SRGAP2: variants seen among roughly 807,000 people sequenced by gnomAD.
SRGAP2 encodes SLIT-ROBO Rho GTPase activating protein 2, also known as SLIT-ROBO Rho GTPase-activating protein 2.
In SRGAP2, 15 loss-of-function variants were observed where a neutral mutation model predicts 57.2. The ratio of observed to expected loss-of-function variants is 0.26; its 90% confidence interval spans 0.18 to 0.40. SRGAP2 has a LOEUF of 0.40. Ranked by LOEUF, SRGAP2 falls within the 10% of genes least tolerant of loss-of-function variation. The pLI, the probability that SRGAP2 is intolerant of heterozygous loss-of-function variation, is 1.00. For synonymous variants in SRGAP2, 249 were observed against 248.0 expected, an observed-to-expected ratio of 1.00 and a Z score of -0.04; for missense variants, 520 against 669.6, an observed-to-expected ratio of 0.78 and a Z score of 2.47.
At chr1:206,446,372 C>A in intron 18 of SRGAP2, 73 bp downstream of exon 18, 1 of 757,166 alleles carries the variant, frequency 1.3e-6, no homozygotes, top group South Asian at 1.4e-5. Flanking sequence ...GATGGCCACA[C>A]GAAAACCAAA....
chr1:206,346,486 A>G (rs1675639304), intron 4 of SRGAP2, among the ~76,000 whole-genome samples: 1 of 152,250 alleles, frequency 6.6e-6, no homozygotes, highest in Admixed American at 6.5e-5. Flanking sequence ...AGCTTAAGCA[A>G]ATGAAGACCA....
intron 14 of SRGAP2, among the ~76,000 whole-genome samples, chr1:206,430,637 T>C (rs1269072735): frequency 2.0e-5 from 3 of 152,244 alleles, no homozygotes; most frequent in Non-Finnish European, 4.4e-5. Context: ...CCTTTCCCAA[T>C]GTTGCAGTGA....
rs537405456 is a variant in SRGAP2, at chr1:206,437,032, C to A, written c.1623C>A (p.Ala541=). 1 of 780,684 alleles carries A rather than the reference C, an allele frequency of 1.3e-6. No homozygotes were observed. Among genetic ancestry groups the A allele is most frequent in the East Asian group, 2.4e-5 (1 of 41,246 alleles). The allele number at this position is 780,684 out of a possible 1,614,324, so 48.4% of individuals were successfully genotyped here. A position where few individuals can be genotyped will look rare whatever the true frequency, so the allele number is the denominator to read the frequency against. The change falls in exon 15 of 23, where the codon GCC becomes GCA. Residue 541 remains alanine (A), a synonymous_variant. Transcript: ENST00000573034. ...SQVEVNDIKN[A]FERGEDPLAG... is the part of the protein sequence containing the mutation. Reference sequence around the variant, plus strand: ...TGGAAGTGAATGACATCAAAAATGCCTTTGAGAGAGGTAAGGAAACAGTCT... The same window carrying A: ...TGGAAGTGAATGACATCAAAAATGCATTTGAGAGAGGTAAGGAAACAGTCT...
intron 4 of SRGAP2, among the ~76,000 whole-genome samples, chr1:206,353,343 G>C (rs1265149908): frequency 6.6e-6 from 1 of 151,970 alleles, no homozygotes; most frequent in Non-Finnish European, 1.5e-5. Context: ...TAGTTTAGAT[G>C]ATTTCTAAAG....
chr1:206,214,885 C>T (rs1341066499), intron 2 of SRGAP2: 1 of 152,142 alleles, frequency 6.6e-6, no homozygotes, highest in African/African-American at 2.4e-5. Flanking sequence ...TTGCTCTGAC[C>T]AGAAATAACC....
chr1:206,258,448 CAA>C (rs1224033209), intron 2 of SRGAP2, among the ~76,000 whole-genome samples: 1 of 147,450 alleles, frequency 6.8e-6, no homozygotes, highest in Non-Finnish European at 1.5e-5. Context: ...TGGTAGGAGA[CAA>C]GAGTATATCT....
intron 2 of SRGAP2, among the ~76,000 whole-genome samples, chr1:206,262,536 T>A (rs1553313749): frequency 6.6e-6 from 1 of 151,720 alleles, no homozygotes; most frequent in Non-Finnish European, 1.5e-5. Flanking sequence ...AGGAAGGTAT[T>A]AGTTGCCATG....
rs547074621 is a variant in SRGAP2, at chr1:206,386,146, A to G, written c.486+2070A>G. ...GAGTAGAAGGTGCTACTGACATCTA[A>G]TGATCTAGAGGCCAGGGGTGCTGCT... On this transcript the variant is annotated intron_variant, in intron 5 of 22. Transcript: ENST00000573034. Among the ~76,000 whole-genome samples the G allele has an allele frequency of 1.4e-3, 206 of 152,310 alleles. 1 individual carries two copies. Among genetic ancestry groups the G allele is most frequent in the African/African-American group, 4.8e-3 (199 of 41,576 alleles).
chr1:206,437,087 C>T (rs782541160), intron 15 of SRGAP2, 45 bp downstream of exon 15: 2 of 779,422 alleles, frequency 2.6e-6, no homozygotes, highest in South Asian at 2.7e-5. Flanking sequence ...TTGCCAGCCC[C>T]CTGGGGTATT....
At chr1:206,452,910 T>TGG (rs1341010326) in intron 19 of SRGAP2, among the ~76,000 whole-genome samples, 6 of 130,804 alleles carry the variant, frequency 4.6e-5, no homozygotes, top group African/African-American at 1.7e-4. Flanking sequence ...AAAAAAAAAA[T>TGG]GGGATGCTTG....
chr1:206,253,684 T>G (rs1386022670), intron 2 of SRGAP2, among the ~76,000 whole-genome samples: 2 of 147,752 alleles, frequency 1.4e-5, no homozygotes, highest in Non-Finnish European at 3.0e-5. Context: ...CACGCCATTC[T>G]CCATTCTCCA....
rs1274780789 is a variant in SRGAP2 at position 206,461,981 on chromosome 1, CTCTTTG to C, written c.*563_*568del. ...TAGCCTCTCCTGGTCATAGACCAGT[CTCTTTG>C]TAAGTTATTGTGGCAGTTCACACAG... On this transcript the variant is annotated 3_prime_UTR_variant, in exon 23 of 23. Coordinates refer to ENST00000573034, the MANE Select transcript of SRGAP2 (RefSeq NM_015326.5). 1 of 152,528 alleles carries C rather than the reference CTCTTTG, an allele frequency of 6.6e-6. No homozygotes were observed. The highest frequency in any genetic ancestry group is 2.4e-5 in the African/African-American group (1 of 41,432). The allele number at this position is 152,528 out of a possible 1,614,324, so 9.4% of individuals were successfully genotyped here. A position where few individuals can be genotyped will look rare whatever the true frequency, so the allele number is the denominator to read the frequency against.
At chr1:206,296,657 C>T (rs1671614399) in intron 2 of SRGAP2, among the ~76,000 whole-genome samples, 1 of 152,168 alleles carries the variant, frequency 6.6e-6, no homozygotes, top group Non-Finnish European at 1.5e-5. Context: ...GTCTGGAACT[C>T]CTGAGCTCTA....
intron 2 of SRGAP2, among the ~76,000 whole-genome samples, chr1:206,239,431 C>A (rs1178010895): frequency 1.3e-5 from 2 of 151,898 alleles, no homozygotes; most frequent in Non-Finnish European, 2.9e-5. Context: ...TATAAAGACA[C>A]CCTGGCCTGG....
intron 7 of SRGAP2, among the ~76,000 whole-genome samples, chr1:206,398,186 ACT>A (rs1430936931): frequency 6.6e-6 from 1 of 151,892 alleles, no homozygotes; most frequent in African/African-American, 2.4e-5. Context: ...CTTTGTCCCC[ACT>A]GTGAGCAAAA....
At position 206,463,626 on chromosome 1, in the gene SRGAP2, C is replaced by T. The variant is rs1191455189; in HGVS notation, c.*2206C>T. Reference sequence around the variant, plus strand: ...GTACATGACTCGTGTTCACCATCCCCTTGATCAGTGTCCATCCGCGCTAAT... The same window carrying T: ...GTACATGACTCGTGTTCACCATCCCTTTGATCAGTGTCCATCCGCGCTAAT... On this transcript the variant is annotated 3_prime_UTR_variant, in exon 23 of 23. Coordinates refer to ENST00000573034, the MANE Select transcript of SRGAP2 (RefSeq NM_015326.5). 6.6e-6 allele frequency: 1 copy of T among 152,668 alleles called. No individual in the cohort carries two copies. The highest frequency in any genetic ancestry group is 2.4e-5 in the African/African-American group (1 of 41,438). 9.5% of individuals were successfully genotyped at this position (152,668 alleles called of 1,614,324 possible). A position where few individuals can be genotyped will look rare whatever the true frequency, so the allele number is the denominator to read the frequency against.
chr1:206,371,007 CAA>C (rs1408101005), intron 4 of SRGAP2, among the ~76,000 whole-genome samples: 3 of 139,318 alleles, frequency 2.2e-5, no homozygotes, highest in Non-Finnish European at 4.6e-5. Context: ...AAGAAGAGAA[CAA>C]AGAGAATGGG....
At chr1:206,303,222 A>T (rs1671977534) in intron 2 of SRGAP2, 59 bp from the exon 3 acceptor site, 2 of 1,227,562 alleles carry the variant, frequency 1.6e-6, no homozygotes, top group Admixed American at 3.0e-5. Context: ...GAATATTGGC[A>T]TGCATGGTGG....
chr1:206,353,909 C>T (rs1437700934), intron 4 of SRGAP2, among the ~76,000 whole-genome samples: 4 of 148,902 alleles, frequency 2.7e-5, no homozygotes, highest in African/African-American at 1.0e-4. Flanking sequence ...AAGTGATCCT[C>T]CCACCTCAGC....
Sources: gnomAD v4.1 joint callset for allele counts (sites outside exome capture counted in the v4.1 genomes callset) on GRCh38, gnomAD v4.1.1 for gene constraint, MANE v1.5 for transcripts, NCBI Gene and HGNC (gene_info 2026-07-23, HGNC 2026-07-21) for gene names.